CACNA1C: variants seen among roughly 807,000 people sequenced by gnomAD.
CACNA1C encodes voltage-dependent L-type calcium channel subunit alpha-1C.
A neutral mutation model predicts 229.0 loss-of-function variants in CACNA1C; 30 were observed. The ratio of observed to expected loss-of-function variants is 0.13; its 90% CI spans 0.10 to 0.18. The LOEUF (loss-of-function observed/expected upper bound fraction) is 0.18. Among genes scored for constraint, CACNA1C ranks in the 10% least tolerant of loss-of-function variants. The pLI is 1.00. For missense variants in CACNA1C, 1,658 were observed against 2,845.0 expected (o/e 0.58, Z 9.49); for synonymous variants, 1,114 against 1,132.5 (o/e 0.98, Z 0.33).
intron 3 of CACNA1C, among the ~76,000 whole-genome samples, chr12:2,238,215 T>C (rs1216873128): frequency 2.0e-5 from 3 of 152,216 alleles, no homozygotes; most frequent in Non-Finnish European, 4.4e-5. Context: ...GTAGGCATGA[T>C]ATGTGTATAA....
intron 3 of CACNA1C, among the ~76,000 whole-genome samples, chr12:2,312,299 A>G (rs1201777468): frequency 6.6e-6 from 1 of 152,194 alleles, no homozygotes. Flanking sequence ...AAGGAGAAAG[A>G]CTTCAGTATC....
intron 9 of CACNA1C, among the ~76,000 whole-genome samples, chr12:2,528,488 C>T (rs556801363): frequency 6.6e-6 from 1 of 152,364 alleles, no homozygotes; most frequent in African/African-American, 2.4e-5. Flanking sequence ...GTTCTTCCAA[C>T]GATCCTCTGC....
chr12:2,076,359 T>C (rs2063181863), intron 1 of CACNA1C, among the ~76,000 whole-genome samples: 2 of 152,188 alleles, frequency 1.3e-5, no homozygotes, highest in Admixed American at 6.5e-5. Flanking sequence ...TGTTCTTGCT[T>C]TGAAAGCATT....
At chr12:2,465,172 T>G (rs2099542451) in intron 5 of CACNA1C, among the ~76,000 whole-genome samples, 1 of 152,210 alleles carries the variant, frequency 6.6e-6, no homozygotes, top group Non-Finnish European at 1.5e-5. Flanking sequence ...AGCTGTTACA[T>G]TATATTATAT....
At chr12:2,617,102 C>T (rs2081040859) in intron 29 of CACNA1C, among the ~76,000 whole-genome samples, 1 of 152,244 alleles carries the variant, frequency 6.6e-6, no homozygotes, top group Non-Finnish European at 1.5e-5. Flanking sequence ...TTGTCTGCTT[C>T]TCAGAGAGTA....
At chr12:2,117,571 C>A (rs2154141148) in intron 2 of CACNA1C, among the ~76,000 whole-genome samples, 1 of 152,370 alleles carries the variant, frequency 6.6e-6, no homozygotes, top group African/African-American at 2.4e-5. Context: ...TGGCAACTGA[C>A]AGAGCTGGAC....
At chr12:2,306,019 A>G (rs893439005) in intron 3 of CACNA1C, among the ~76,000 whole-genome samples, 1 of 152,226 alleles carries the variant, frequency 6.6e-6, no homozygotes, top group Non-Finnish European at 1.5e-5. Context: ...GAAGGCACCA[A>G]GAGGTAAGGA....
intron 1 of CACNA1C, among the ~76,000 whole-genome samples, chr12:2,093,700 C>A (rs1419557584): frequency 2.0e-5 from 3 of 152,146 alleles, no homozygotes; most frequent in African/African-American, 7.2e-5. Context: ...GATCTGGGGC[C>A]CATGGGGGCA....
At chr12:2,090,108 G>C (rs900164692) in intron 1 of CACNA1C, among the ~76,000 whole-genome samples, 2 of 152,026 alleles carry the variant, frequency 1.3e-5, no homozygotes, top group Non-Finnish European at 2.9e-5. Flanking sequence ...CCAGCCCCTG[G>C]CAACCACCAT....
chr12:2,682,232 C>T (rs571550877), intron 42 of CACNA1C, among the ~76,000 whole-genome samples: 17 of 152,280 alleles, frequency 1.1e-4, no homozygotes, highest in African/African-American at 1.4e-4. Flanking sequence ...ATTCCAATTT[C>T]ATAGGGAAAC....
At chr12:2,622,817 A>G (rs983742152) in intron 29 of CACNA1C, among the ~76,000 whole-genome samples, 4 of 152,008 alleles carry the variant, frequency 2.6e-5, no homozygotes, top group Non-Finnish European at 4.4e-5. Flanking sequence ...TTCCGCCCCT[A>G]CAATGGTCAG....
In CACNA1C at chr12:2,647,515, A is replaced by C. The variant is rs895219257; in HGVS notation, c.3913-960A>C. ...AAAACAATTCAACAGTCATTATTTC[A>C]TGCCAACGGTCAGGGCTCGCCGCAC... On this transcript the variant is annotated intron_variant, in intron 30 of 46. Coordinates refer to ENST00000399655, the MANE Select transcript of CACNA1C (RefSeq NM_000719.7). The surrounding 1 kb of genome is among the most constrained non-coding windows in gnomAD (Gnocchi z 4.2). 3.3e-5 allele frequency among the ~76,000 whole-genome samples: 5 copies of C among 152,362 alleles called. No homozygotes were observed. The highest frequency in any genetic ancestry group is 3.9e-4 in the East Asian group (2 of 5,188).
At chr12:2,401,369 A>G (rs922511734) in intron 3 of CACNA1C, among the ~76,000 whole-genome samples, 6 of 152,232 alleles carry the variant, frequency 3.9e-5, no homozygotes, top group African/African-American at 1.4e-4. Flanking sequence ...AAAGAAAAAA[A>G]TTATTATGCT....
intron 3 of CACNA1C, among the ~76,000 whole-genome samples, chr12:2,406,478 A>G (rs547752763): frequency 5.9e-5 from 9 of 151,994 alleles, no homozygotes; most frequent in African/African-American, 1.7e-4. Context: ...ATATTAGGTA[A>G]TTTCTATTAT....
At chr12:2,591,596 G>A (rs1295168106) in intron 18 of CACNA1C, among the ~76,000 whole-genome samples, 1 of 152,172 alleles carries the variant, frequency 6.6e-6, no homozygotes, top group African/African-American at 2.4e-5. Flanking sequence ...TGGATTGGGG[G>A]TCCTTGTGTG....
chr12:2,121,835 T>G (rs2086898646), intron 3 of CACNA1C, among the ~76,000 whole-genome samples: 1 of 152,198 alleles, frequency 6.6e-6, no homozygotes, highest in Non-Finnish European at 1.5e-5. Flanking sequence ...AGTTTCACAT[T>G]TAATCTGCAA....
chr12:2,080,272 C>CAAAAACAAA (rs58819619), intron 1 of CACNA1C, among the ~76,000 whole-genome samples: 143,343 of 150,614 alleles, frequency 0.95, 68,224 homozygotes, highest in African/African-American at 0.98. Context: ...AAACAAAAAA[C>CAAAAACAAA]AAAAACAAAA....
At chr12:2,191,594 ACT>A (rs2097215016) in intron 3 of CACNA1C, among the ~76,000 whole-genome samples, 1 of 152,118 alleles carries the variant, frequency 6.6e-6, no homozygotes, top group Non-Finnish European at 1.5e-5. Context: ...ACACACATGC[ACT>A]CACACACATG....
intron 3 of CACNA1C, among the ~76,000 whole-genome samples, chr12:2,304,463 G>A (rs1291320355): frequency 1.3e-5 from 2 of 152,222 alleles, no homozygotes; most frequent in Non-Finnish European, 2.9e-5. Context: ...AGCTTGTTCT[G>A]AGAGCGTGAA....
Sources: gnomAD v4.1 joint callset for allele counts (sites outside exome capture counted in the v4.1 genomes callset) on GRCh38, gnomAD v4.1.1 for gene constraint, Gnocchi (gnomAD v3.1) non-coding constraint, MANE v1.5 for transcripts, NCBI Gene and HGNC (gene_info 2026-07-23, HGNC 2026-07-21) for gene names.